Variants in ELOC observed in about 807,000 individuals in gnomAD.
ELOC encodes elongin C.
For synonymous variants in ELOC, 40 were observed against 51.3 expected (o/e 0.78, Z 0.94); for missense variants, 38 against 139.0 (o/e 0.27, Z 3.65).
chr8:73,965,166 T>C (rs950813732), intron 1 of ELOC, among the ~76,000 whole-genome samples: 2 of 150,406 alleles, frequency 1.3e-5, no homozygotes, highest in Non-Finnish European at 2.9e-5. Flanking sequence ...AATTAAAAAA[T>C]TCCTGTATGT....
intron 1 of ELOC, among the ~76,000 whole-genome samples, chr8:73,965,771 T>C (rs1814934564): frequency 6.6e-6 from 1 of 152,220 alleles, no homozygotes; most frequent in Non-Finnish European, 1.5e-5. Flanking sequence ...CACTCTAGGA[T>C]GGTTTTCTGC....
intron 3 of ELOC, among the ~76,000 whole-genome samples, chr8:73,949,485 T>C (rs1255407113): frequency 6.6e-6 from 1 of 152,228 alleles, no homozygotes; most frequent in Non-Finnish European, 1.5e-5. Context: ...CAACTATCCC[T>C]TCTATTTAGT....
intron 3 of ELOC, 82 bp from the exon 4 acceptor site, chr8:73,946,902 C>A: frequency 8.6e-7 from 1 of 1,159,732 alleles, no homozygotes; most frequent in Non-Finnish European, 1.2e-6. Context: ...CCCCTTGTAC[C>A]ACAGAATGTG....
chr8:73,967,965 CAGT>C (rs1815104175), intron 1 of ELOC, among the ~76,000 whole-genome samples: 2 of 152,158 alleles, frequency 1.3e-5, no homozygotes, highest in Admixed American at 1.3e-4. Flanking sequence ...CACAGATAAG[CAGT>C]AGAATCCCAA....
chr8:73,953,301 C>T lies in ELOC; in HGVS notation c.148+2610G>A, dbSNP rs1057242638. ...AGCCTGCGTAACAGAGTGAGACTAT[C>T]TCAAAAAACAACCACCATCACCAAA... On this transcript the variant is annotated intron_variant, in intron 3 of 3. Transcript: ENST00000520242. 5.3e-5 allele frequency among the ~76,000 whole-genome samples: 8 copies of T among 151,212 alleles called. No individual in the cohort carries two copies. The South Asian group carries it at 1.3e-3, about 24-fold the overall frequency.
At position 73,969,433 on chromosome 8, in the gene ELOC, C is replaced by T. The variant is rs536159278; in HGVS notation, c.-51+2644G>A. 9.2e-5 allele frequency: 14 copies of T among 152,338 alleles called. No homozygotes were observed. The East Asian group carries it at 2.5e-3, about 27-fold the overall frequency. The allele number at this position is 152,338 out of a possible 1,614,324, so 9.4% of individuals were successfully genotyped here. On this transcript the variant is annotated intron_variant, in intron 1 of 3. Coordinates refer to ENST00000520242, the MANE Select transcript of ELOC (RefSeq NM_005648.4). ...ACTTCTAGTTCAAGCTACCATGTCT[C>T]AACTGGACATTTGATTTACTTCCCT... is the stretch of plus-strand genomic sequence containing the variant.
At position 73,971,046 on chromosome 8, in the gene ELOC, A is replaced by AAAAAAAAAAG. The variant is rs1009857839; in HGVS notation, c.-51+1030_-51+1031insCTTTTTTTTT. 1.7e-3 allele frequency among the ~76,000 whole-genome samples: 258 copies of AAAAAAAAAAG among 149,752 alleles called. 1 individual carries two copies. Among genetic ancestry groups the AAAAAAAAAAG allele is most frequent in the Middle Eastern group, 7.1e-3 (2 of 280 alleles). The stretch of plus-strand genomic sequence containing the variant: ...AGACTCCGTCTCAAAAAAAAAAAAA[A>AAAAAAAAAAG]AAAAAGAAAAAGAAAAAAAGCAAAT... On this transcript the variant is annotated intron_variant, in intron 1 of 3. Transcript: ENST00000520242.
At chr8:73,961,827 T>G (rs1165905937) in intron 1 of ELOC, among the ~76,000 whole-genome samples, 1 of 152,062 alleles carries the variant, frequency 6.6e-6, no homozygotes, top group Admixed American at 6.6e-5. Flanking sequence ...CACTAACAAT[T>G]AAATCTGATG....
Position 73,962,575 on chromosome 8 carries a change from CAA to C in ELOC, c.-50-2759_-50-2758del, listed in dbSNP as rs71561555. 5.1e-4 allele frequency among the ~76,000 whole-genome samples: 74 copies of C among 146,214 alleles called. 2 individuals are homozygous for C. Among genetic ancestry groups the C allele is most frequent in the East Asian group, 1.0e-3 (5 of 4,998 alleles). On this transcript the variant is annotated intron_variant, in intron 1 of 3. Coordinates refer to ENST00000520242, the MANE Select transcript of ELOC (RefSeq NM_005648.4). ...GTAAATACTCTTTTAAAAAACAAAA[CAA>C]AAAAAAAAACAAAACAAATGCGAGA... is the stretch of plus-strand genomic sequence containing the variant.
At chr8:73,969,138 GCA>G (rs1315279804) in intron 1 of ELOC, among the ~76,000 whole-genome samples, 1 of 152,002 alleles carries the variant, frequency 6.6e-6, no homozygotes. Flanking sequence ...CTTTTCTACT[GCA>G]CATATTCTCA....
At chr8:73,949,376 ACAT>A (rs1311390815) in intron 3 of ELOC, among the ~76,000 whole-genome samples, 2 of 152,230 alleles carry the variant, frequency 1.3e-5, no homozygotes, top group African/African-American at 4.8e-5. Flanking sequence ...TACTAGACAA[ACAT>A]CAGTGATTTT....
At chr8:73,964,175 T>C (rs777071704) in intron 1 of ELOC, among the ~76,000 whole-genome samples, 1 of 146,252 alleles carries the variant, frequency 6.8e-6, no homozygotes. Flanking sequence ...GGTCCCTGGA[T>C]AGTGAATGAT....
At position 73,945,658 on chromosome 8, in the gene ELOC, T is replaced by C. The variant is rs1813337189; in HGVS notation, c.*972A>G. 6.6e-6 allele frequency: 1 copy of C among 152,202 alleles called. No individual in the cohort carries two copies. The highest frequency in any genetic ancestry group is 1.5e-5 in the Non-Finnish European group (1 of 68,036). The allele number at this position is 152,202 out of a possible 1,614,324, so 9.4% of individuals were successfully genotyped here. ...TTATGGGTATATTTATTGGGACATA[T>C]TTTAATAGAAGATAATTCATGTAGG... On this transcript the variant is annotated 3_prime_UTR_variant, in exon 4 of 4. Transcript: ENST00000520242.
intron 2 of ELOC, among the ~76,000 whole-genome samples, chr8:73,958,243 C>T (rs1315532234): frequency 1.3e-5 from 2 of 152,056 alleles, no homozygotes; most frequent in South Asian, 2.1e-4. Context: ...TAGGCGTGCA[C>T]CACCATGCCT....
At chr8:73,963,247 C>A (rs899604375) in intron 1 of ELOC, among the ~76,000 whole-genome samples, 2 of 151,972 alleles carry the variant, frequency 1.3e-5, no homozygotes, top group African/African-American at 4.8e-5. Flanking sequence ...AATCTAGTAT[C>A]AGTGAATATT....
At chr8:73,958,196 A>AC (rs944816407) in intron 2 of ELOC, among the ~76,000 whole-genome samples, 1 of 150,052 alleles carries the variant, frequency 6.7e-6, no homozygotes, top group African/African-American at 2.5e-5. Context: ...CCTGGGTTCG[A>AC]GATCCTTTGG....
chr8:73,947,264 G>A (rs1414518197), intron 3 of ELOC, among the ~76,000 whole-genome samples: 2 of 152,056 alleles, frequency 1.3e-5, no homozygotes, highest in African/African-American at 4.8e-5. Context: ...TGGGATTACA[G>A]GCATGAGCCA....
At chr8:73,963,524 G>A (rs1022506983) in intron 1 of ELOC, among the ~76,000 whole-genome samples, 13 of 152,184 alleles carry the variant, frequency 8.5e-5, no homozygotes, top group African/African-American at 3.1e-4. Context: ...TTTGCATCCC[G>A]TCATTTTTTT....
intron 3 of ELOC, among the ~76,000 whole-genome samples, chr8:73,953,220 C>A (rs898754555): frequency 6.6e-6 from 1 of 152,098 alleles, no homozygotes; most frequent in Non-Finnish European, 1.5e-5. Flanking sequence ...GCATGAGAAT[C>A]GTTTGAACCT....
Sources: gnomAD v4.1 joint callset for allele counts (sites outside exome capture counted in the v4.1 genomes callset) on GRCh38, gnomAD v4.1.1 for gene constraint, MANE v1.5 for transcripts, NCBI Gene and HGNC (gene_info 2026-07-23, HGNC 2026-07-21) for gene names.